The following TENM4 variants were observed in gnomAD, a reference collection of about 807,000 sequenced individuals.
TENM4 encodes teneurin-4.
A neutral mutation model predicts 243.3 loss-of-function variants in TENM4; 82 were observed. The ratio of observed to expected loss-of-function variants is 0.34; its 90% CI spans 0.28 to 0.40. The LOEUF is 0.40. Among genes scored for constraint, TENM4 ranks in the 10% least tolerant of loss-of-function variants. The probability of loss-of-function intolerance (pLI) is 1.00; values close to 1 mark genes in which losing one functional copy is unlikely to be tolerated. For missense variants in TENM4, 3,138 were observed against 3,673.3 expected (o/e 0.85, Z 3.77); for synonymous variants, 1,412 against 1,456.3 (o/e 0.97, Z 0.69).
chr11:78,722,989 G>T, intron 23 of TENM4, 72 bp from the exon 24 acceptor site: 1 of 1,572,184 alleles, frequency 6.4e-7, no homozygotes, highest in Non-Finnish European at 8.7e-7. Context: ...TGACCACAGA[G>T]TCACCTGATT....
At chr11:79,250,862 C>A (rs1355055594) in intron 2 of TENM4, among the ~76,000 whole-genome samples, 1 of 152,198 alleles carries the variant, frequency 6.6e-6, no homozygotes, top group Admixed American at 6.5e-5. Flanking sequence ...CACAAACATG[C>A]ATTTCTTTGG....
chr11:78,964,333 G>A (rs2136545421), intron 6 of TENM4, among the ~76,000 whole-genome samples: 1 of 152,230 alleles, frequency 6.6e-6, no homozygotes, highest in Admixed American at 6.5e-5. Flanking sequence ...GAGCCACCGT[G>A]CCTGGCCCCA....
intron 3 of TENM4, among the ~76,000 whole-genome samples, chr11:79,204,215 T>C (rs1863802867): frequency 6.6e-6 from 1 of 152,208 alleles, no homozygotes; most frequent in Non-Finnish European, 1.5e-5. Context: ...GTTTCTCGAC[T>C]CTGCAAATAG....
chr11:79,242,601 A>C (rs1303093180), intron 2 of TENM4, among the ~76,000 whole-genome samples: 2 of 152,192 alleles, frequency 1.3e-5, no homozygotes, highest in East Asian at 3.9e-4. Flanking sequence ...GCATTTCCCC[A>C]TGTCATTAAA....
intron 5 of TENM4, among the ~76,000 whole-genome samples, chr11:79,066,975 C>G (rs1019307294): frequency 1.3e-5 from 2 of 152,248 alleles, no homozygotes; most frequent in Non-Finnish European, 2.9e-5. Context: ...AGTACTTCCA[C>G]ACAGCTTGGT....
intron 6 of TENM4, among the ~76,000 whole-genome samples, chr11:79,063,812 C>T (rs1464758565): frequency 2.0e-5 from 3 of 152,208 alleles, no homozygotes; most frequent in African/African-American, 7.2e-5. Flanking sequence ...TTTCCTCCCA[C>T]AGCCTCTCTC....
At chr11:79,253,905 G>A (rs189411860) in intron 2 of TENM4, among the ~76,000 whole-genome samples, 3 of 152,066 alleles carry the variant, frequency 2.0e-5, no homozygotes, top group Non-Finnish European at 2.9e-5. Context: ...GAACAAATAC[G>A]AACAGCTAGT....
chr11:79,236,891 G>A (rs139335903), intron 2 of TENM4, among the ~76,000 whole-genome samples: 4 of 152,182 alleles, frequency 2.6e-5, no homozygotes, highest in Non-Finnish European at 4.4e-5. Flanking sequence ...TGTTTATCTG[G>A]ACAGCTGTGG....
intron 4 of TENM4, among the ~76,000 whole-genome samples, chr11:79,147,332 T>A (rs1862412776): frequency 6.6e-6 from 1 of 152,112 alleles, no homozygotes; most frequent in African/African-American, 2.4e-5. Context: ...GGGGCTCTAA[T>A]CCTTACCATC....
At chr11:79,228,129 A>G (rs1259374075) in intron 2 of TENM4, among the ~76,000 whole-genome samples, 1 of 152,212 alleles carries the variant, frequency 6.6e-6, no homozygotes. Flanking sequence ...GCCGGGACTG[A>G]GAAAGAGACA....
chr11:78,895,407 C>A (rs1055403311), intron 7 of TENM4, among the ~76,000 whole-genome samples: 1 of 151,988 alleles, frequency 6.6e-6, no homozygotes, highest in African/African-American at 2.4e-5. Context: ...GGTCAAATTA[C>A]TTGGTGTCAT....
intron 1 of TENM4, among the ~76,000 whole-genome samples, chr11:79,346,349 C>T (rs1300925749): frequency 6.6e-6 from 1 of 152,130 alleles, no homozygotes; most frequent in Non-Finnish European, 1.5e-5. Context: ...ATGAGAATTA[C>T]AATACCTGCC....
chr11:78,676,495 T>C, intron 29 of TENM4, 108 bp from the exon 30 acceptor site: 1 of 787,406 alleles, frequency 1.3e-6, no homozygotes, highest in Non-Finnish European at 1.9e-6. Context: ...TTCCTAACTA[T>C]GAAAGCAATA....
At chr11:79,380,000 C>T (rs1293330226) in intron 1 of TENM4, among the ~76,000 whole-genome samples, 2 of 152,100 alleles carry the variant, frequency 1.3e-5, no homozygotes, top group African/African-American at 4.8e-5. Flanking sequence ...CAGCCCTTTT[C>T]TGTCTCCACG....
chr11:79,114,022 C>T (rs1186940045), intron 4 of TENM4, among the ~76,000 whole-genome samples: 1 of 152,124 alleles, frequency 6.6e-6, no homozygotes, highest in Non-Finnish European at 1.5e-5. Flanking sequence ...ACGATCTCTC[C>T]ACTCCCACTT....
At chr11:78,706,840 A>T (rs1280937202) in intron 27 of TENM4, among the ~76,000 whole-genome samples, 1 of 146,848 alleles carries the variant, frequency 6.8e-6, no homozygotes, top group Non-Finnish European at 1.5e-5. Flanking sequence ...TGGCTTCCTG[A>T]CGGGTAATTC....
At chr11:78,924,723 T>C (rs1313798791) in intron 6 of TENM4, 1 of 152,180 alleles carries the variant, frequency 6.6e-6, no homozygotes, top group East Asian at 1.9e-4. Flanking sequence ...TGGTGATGAG[T>C]TGGTTAGGAG....
Position 78,903,365 on chromosome 11 carries a change from G to T in TENM4, c.652C>A (p.His218Asn), listed in dbSNP as rs1463617459. The T allele has an allele frequency of 1.3e-6, 2 of 1,502,622 alleles. No homozygotes were observed. The highest frequency in any genetic ancestry group is 1.3e-5 in the South Asian group (1 of 78,060). 93.1% of individuals were successfully genotyped at this position (1,502,622 alleles called of 1,614,324 possible). A position where few individuals can be genotyped will look rare whatever the true frequency, so the allele number is the denominator to read the frequency against. The change falls in exon 7 of 34, where the codon CAC (histidine) becomes AAC (asparagine). Residue 218 changes from histidine (H) to asparagine (N), a missense_variant. Around this residue, in one of 2 missense-constraint regions of TENM4, gnomAD observed 671 missense variants for 614.1 expected, o/e 1.09. Coordinates refer to ENST00000278550, the MANE Select transcript of TENM4 (RefSeq NM_001098816.3). ...GCAGGGGGCTCTCCGGAGAGCGAGT[G>T]GTCCGTGGGGGCCGGGCTGGGGTTG... Reference protein sequence around the residue: ...RSNPSPAPTDHSLSGEPPAGG... With the variant: ...RSNPSPAPTDNSLSGEPPAGG...
chr11:78,805,277 T>TGCCCCCCCACCCCCCCCCC lies in TENM4; in HGVS notation c.2179+14_2179+15insGGGGGGGGGGTGGGGGGGC. 2 of 1,402,550 alleles carry TGCCCCCCCACCCCCCCCCC rather than the reference T, an allele frequency of 1.4e-6. No individual in the cohort carries two copies. The highest frequency in any genetic ancestry group is 1.9e-6 in the Non-Finnish European group (2 of 1,033,116). 86.9% of individuals were successfully genotyped at this position (1,402,550 alleles called of 1,614,324 possible). ...CCCCTCCCTCTACCCATGCTTCTTCTCCCCCTGCATTTACCGATAGAACAG... is the reference window on the plus strand; with the variant it reads ...CCCCTCCCTCTACCCATGCTTCTTCTGCCCCCCCACCCCCCCCCCCCCCCTGCATTTACCGATAGAACAG... On this transcript the variant is annotated intron_variant, in intron 15 of 33. Transcript: ENST00000278550.
Sources: allele counts gnomAD v4.1 joint callset (sites outside exome capture counted in the v4.1 genomes callset), GRCh38; gene constraint gnomAD v4.1.1; regional missense constraint gnomAD v4.1.1; transcripts MANE v1.5; gene names NCBI Gene and HGNC (gene_info 2026-07-23, HGNC 2026-07-21).